SLC22A16: variants seen among roughly 807,000 people sequenced by gnomAD.
The protein encoded by SLC22A16 is WUGSC:RG331P03.1.
A neutral mutation model predicts 52.9 loss-of-function variants in SLC22A16; 53 were observed. The observed-to-expected ratio is 1.00, with a 90% CI of 0.80 to 1.26. The LOEUF is 1.26. Ranked by LOEUF, SLC22A16 falls within the 50% of genes most tolerant of loss-of-function variation. SLC22A16 has a pLI of 0.00. For missense variants in SLC22A16, 726 were observed against 704.0 expected, an observed-to-expected ratio of 1.03 and a Z score of -0.35; for synonymous variants, 291 against 268.8, an observed-to-expected ratio of 1.08 and a Z score of -0.81.
At chr6:110,438,664 C>T in intron 5 of SLC22A16, 56 bp downstream of exon 5, 1 of 1,560,780 alleles carries the variant, frequency 6.4e-7, no homozygotes, top group Non-Finnish European at 8.7e-7. Context: ...AAGCTAAATT[C>T]TTCCCATCAA....
intron 2 of SLC22A16, among the ~76,000 whole-genome samples, chr6:110,454,456 C>T (rs1222079821): frequency 1.3e-5 from 2 of 148,456 alleles, no homozygotes; most frequent in Non-Finnish European, 3.0e-5. Context: ...TAATGGTATG[C>T]AACTTCTCAA....
rs117156161 is a variant in SLC22A16, at chr6:110,468,119, G to A, written c.53+8403C>T. On this transcript the variant is annotated intron_variant, in intron 1 of 7. Coordinates refer to ENST00000368919, the MANE Select transcript of SLC22A16 (RefSeq NM_033125.4). ...AAACTGAATTCTATCTATGGCATTGGCCCTTGTAGCTAGCTAGTCCACGAA... is the reference window on the plus strand; with the variant it reads ...AAACTGAATTCTATCTATGGCATTGACCCTTGTAGCTAGCTAGTCCACGAA... Among the ~76,000 whole-genome samples the A allele has an allele frequency of 2.4e-4, 36 of 152,350 alleles. No homozygotes were observed. In the East Asian group the frequency reaches 6.7e-3, roughly 29 times the overall value.
chr6:110,464,976 T>C (rs1277714485), intron 1 of SLC22A16, among the ~76,000 whole-genome samples: 2 of 151,998 alleles, frequency 1.3e-5, no homozygotes, highest in African/African-American at 4.8e-5. Context: ...GATGCCAAGA[T>C]GGTTCAACAT....
At chr6:110,454,106 C>A (rs563578517) in intron 2 of SLC22A16, among the ~76,000 whole-genome samples, 48 of 152,300 alleles carry the variant, frequency 3.2e-4, no homozygotes, top group African/African-American at 1.2e-3. Flanking sequence ...CACCTCCCAA[C>A]ACCGCCACAC....
intron 2 of SLC22A16, among the ~76,000 whole-genome samples, chr6:110,447,675 T>G (rs1775228859): frequency 6.6e-6 from 1 of 152,132 alleles, no homozygotes. Flanking sequence ...CCCTGCTCCC[T>G]CCAGTCTCTG....
intron 5 of SLC22A16, 111 bp downstream of exon 5, chr6:110,438,609 C>A (rs1481641396): frequency 3.5e-6 from 4 of 1,142,252 alleles, no homozygotes; most frequent in Non-Finnish European, 2.4e-6. Flanking sequence ...ATTATATACT[C>A]TGCCCAAATC....
chr6:110,461,688 G>T (rs1219033522), intron 1 of SLC22A16, among the ~76,000 whole-genome samples: 1 of 152,066 alleles, frequency 6.6e-6, no homozygotes, highest in African/African-American at 2.4e-5. Context: ...GCAGCATCTG[G>T]GAAAGCCACC....
At chr6:110,467,757 A>T (rs1193194816) in intron 1 of SLC22A16, among the ~76,000 whole-genome samples, 1 of 152,278 alleles carries the variant, frequency 6.6e-6, no homozygotes, top group Non-Finnish European at 1.5e-5. Flanking sequence ...ACACATATTC[A>T]TATAATGCTA....
At chr6:110,432,334 C>T (rs865807878) in intron 6 of SLC22A16, among the ~76,000 whole-genome samples, 3 of 151,988 alleles carry the variant, frequency 2.0e-5, no homozygotes, top group South Asian at 2.1e-4. Flanking sequence ...TGGTTGTAAA[C>T]CAACAACCAA....
At chr6:110,433,993 C>T (rs368498000) in intron 6 of SLC22A16, among the ~76,000 whole-genome samples, 3 of 152,114 alleles carry the variant, frequency 2.0e-5, no homozygotes, top group South Asian at 4.1e-4. Flanking sequence ...GTAATCCTAG[C>T]GCTTTGGGAG....
chr6:110,438,128 G>A (rs180767787), intron 5 of SLC22A16, among the ~76,000 whole-genome samples: 20 of 151,956 alleles, frequency 1.3e-4, no homozygotes, highest in Admixed American at 9.2e-4. Flanking sequence ...TTACATTTAC[G>A]GAAACTTGAT....
chr6:110,430,198 G>T (rs1774439557), intron 7 of SLC22A16, among the ~76,000 whole-genome samples: 1 of 151,888 alleles, frequency 6.6e-6, no homozygotes, highest in African/African-American at 2.4e-5. Flanking sequence ...GTGAGGATTT[G>T]GTGATGAAAG....
At chr6:110,450,178 T>TA (rs1415572616) in intron 2 of SLC22A16, among the ~76,000 whole-genome samples, 17 of 146,354 alleles carry the variant, frequency 1.2e-4, no homozygotes, top group East Asian at 8.6e-4. Flanking sequence ...CCCTACTGGT[T>TA]AAAAAAAAAG....
Position 110,436,672 on chromosome 6 carries a change from G to C in SLC22A16, c.1312-711C>G, listed in dbSNP as rs564401136. On this transcript the variant is annotated intron_variant, in intron 5 of 7. Coordinates refer to ENST00000368919, the MANE Select transcript of SLC22A16 (RefSeq NM_033125.4). ...TTAAAAAAAACAAACAAAACAAATT[G>C]TGCCCTTTGTGGCAGTAATCCCTGG... 5.9e-5 allele frequency among the ~76,000 whole-genome samples: 9 copies of C among 152,166 alleles called. 1 individual carries two copies. Among genetic ancestry groups the C allele is most frequent in the African/African-American group, 1.9e-4 (8 of 41,522 alleles).
At chr6:110,427,340 A>G (rs925343648) in intron 7 of SLC22A16, among the ~76,000 whole-genome samples, 6 of 152,020 alleles carry the variant, frequency 3.9e-5, no homozygotes, top group African/African-American at 1.4e-4. Context: ...TTGCCTGGGT[A>G]CTTGCCACCT....
At chr6:110,474,147 AG>A (rs1776376136) in intron 1 of SLC22A16, among the ~76,000 whole-genome samples, 2 of 152,176 alleles carry the variant, frequency 1.3e-5, no homozygotes, top group African/African-American at 4.8e-5. Flanking sequence ...TGATGATCTG[AG>A]GTGAAACAGT....
intron 1 of SLC22A16, among the ~76,000 whole-genome samples, chr6:110,459,505 C>T (rs1010719006): frequency 5.3e-5 from 8 of 152,106 alleles, no homozygotes. Flanking sequence ...CTAAAGACTG[C>T]CAAGGTCACA....
At chr6:110,445,979 G>A (rs1475203722) in intron 3 of SLC22A16, among the ~76,000 whole-genome samples, 1 of 152,040 alleles carries the variant, frequency 6.6e-6, no homozygotes, top group Non-Finnish European at 1.5e-5. Context: ...TTGGCCAACT[G>A]TATGGTTTGC....
chr6:110,445,800 G>C (rs747895390), intron 3 of SLC22A16, among the ~76,000 whole-genome samples: 1 of 152,078 alleles, frequency 6.6e-6, no homozygotes, highest in Non-Finnish European at 1.5e-5. Context: ...GGTTTCTCTC[G>C]TGAAATCTCA....
Sources: gnomAD v4.1 joint callset for allele counts (sites outside exome capture counted in the v4.1 genomes callset) on GRCh38, gnomAD v4.1.1 for gene constraint, MANE v1.5 for transcripts, NCBI Gene and HGNC (gene_info 2026-07-23, HGNC 2026-07-21) for gene names.